Variants in AP2A1 observed in about 807,000 individuals in gnomAD.
AP2A1 encodes the protein adaptor related protein complex 2 subunit alpha 1, also known as AP-2 complex subunit alpha-1.
In AP2A1, 21 loss-of-function variants were observed where a neutral mutation model predicts 107.3. That is an observed-to-expected ratio of 0.20 (90% CI 0.14 to 0.28). AP2A1 has a LOEUF of 0.28. Among genes scored for constraint, AP2A1 ranks in the 10% least tolerant of loss-of-function variants. AP2A1 has a pLI of 1.00. For missense variants in AP2A1, 873 were observed against 1,307.7 expected (o/e 0.67, Z 5.13); for synonymous variants, 602 against 564.8 (o/e 1.07, Z -0.93).
In AP2A1 at chr19:49,767,210, C is replaced by G; in HGVS notation, c.67+10C>G. The G allele has an allele frequency of 6.2e-7, 1 of 1,610,790 alleles. No individual in the cohort carries two copies. The highest frequency in any genetic ancestry group is 8.5e-7 in the Non-Finnish European group (1 of 1,179,458). ...TCCGACATCCGGAACTGTGAGCGCGCGGCCGGGGGACACTGGAGACGCGGG... is the reference window on the plus strand; with the variant it reads ...TCCGACATCCGGAACTGTGAGCGCGGGGCCGGGGGACACTGGAGACGCGGG... On this transcript the variant is annotated intron_variant, in intron 1 of 22. Transcript: ENST00000354293.
intron 7 of AP2A1, among the ~76,000 whole-genome samples, chr19:49,798,159 A>G (rs149181764): frequency 2.0e-5 from 3 of 152,264 alleles, no homozygotes; most frequent in Non-Finnish European, 4.4e-5. Flanking sequence ...GCTCTTGCAT[A>G]CACTTGAAAA....
intron 18 of AP2A1, 103 bp from the exon 19 acceptor site, chr19:49,805,350 C>CA: frequency 7.4e-7 from 1 of 1,343,780 alleles, no homozygotes; most frequent in Non-Finnish European, 9.9e-7. Flanking sequence ...TGGGGTCCCT[C>CA]AAAGACCTGC....
intron 4 of AP2A1, 26 bp downstream of exon 4, chr19:49,782,750 G>A: frequency 6.4e-7 from 1 of 1,555,964 alleles, no homozygotes; most frequent in East Asian, 2.4e-5. Flanking sequence ...CCCGTTGGCA[G>A]TGGGGGGCCT....
chr19:49,771,534 G>T (rs905869844), intron 1 of AP2A1, among the ~76,000 whole-genome samples: 5 of 151,066 alleles, frequency 3.3e-5, no homozygotes, highest in African/African-American at 1.2e-4. Flanking sequence ...TCAGCCTCCC[G>T]AGTAGCTGGG....
At chr19:49,799,922 C>A in intron 10 of AP2A1, 46 bp from the exon 11 acceptor site, 1 of 1,599,510 alleles carries the variant, frequency 6.3e-7, no homozygotes, top group Non-Finnish European at 8.5e-7. Flanking sequence ...GAGTGAAAGC[C>A]CGACATGGCC....
At chr19:49,781,039 G>T (rs935843074) in intron 1 of AP2A1, among the ~76,000 whole-genome samples, 1 of 152,128 alleles carries the variant, frequency 6.6e-6, no homozygotes, top group Admixed American at 6.5e-5. Context: ...CATCCAGTCG[G>T]ATTGTGCTCT....
In AP2A1 at chr19:49,806,793, C is replaced by T. The variant is rs368410097; in HGVS notation, c.*35C>T. On this transcript the variant is annotated 3_prime_UTR_variant, in exon 23 of 23. Transcript: ENST00000354293. ...TCTGCCCCGGGGGATGTGGCCGGCA[C>T]TGGGCAGCCCCTTGGACTGAGGCAG... 2 of 1,613,020 alleles carry T rather than the reference C, an allele frequency of 1.2e-6. No individual in the cohort carries two copies. The highest frequency in any genetic ancestry group is 4.5e-5 in the East Asian group (2 of 44,846).
At chr19:49,767,375 G>A (rs2084513500) in intron 1 of AP2A1, among the ~76,000 whole-genome samples, 175 bp downstream of exon 1, 1 of 152,130 alleles carries the variant, frequency 6.6e-6, no homozygotes, top group Non-Finnish European at 1.5e-5. Context: ...GGCTTGGGGT[G>A]TCATAGAGTG....
At chr19:49,782,884 A>G (rs2084694692) in intron 4 of AP2A1, among the ~76,000 whole-genome samples, 160 bp downstream of exon 4, 1 of 152,060 alleles carries the variant, frequency 6.6e-6, no homozygotes, top group Non-Finnish European at 1.5e-5. Flanking sequence ...GCAGCCCCAT[A>G]CTTGTCTCTT....
At position 49,799,949 on chromosome 19, in the gene AP2A1, TCA is replaced by T; in HGVS notation, c.1273-15_1273-14del. ...GACATGGCCTGCGGCACACTCTCTC[TCA>T]CACGCCCCGGCGGCAGGTCCTGAAG... On this transcript the variant is annotated splice_polypyrimidine_tract_variant and intron_variant, in intron 10 of 22. Coordinates refer to ENST00000354293, the MANE Select transcript of AP2A1 (RefSeq NM_130787.3). The T allele has an allele frequency of 1.2e-6, 2 of 1,610,948 alleles. No homozygotes were observed. Among genetic ancestry groups the T allele is most frequent in the Non-Finnish European group, 1.7e-6 (2 of 1,177,560 alleles).
chr19:49,784,851 G>A (rs1019172351), intron 4 of AP2A1, among the ~76,000 whole-genome samples: 1 of 152,138 alleles, frequency 6.6e-6, no homozygotes, highest in Non-Finnish European at 1.5e-5. Flanking sequence ...CTGGGTGACA[G>A]AGTAAGACCC....
chr19:49,791,365 G>T (rs908790983), intron 4 of AP2A1, among the ~76,000 whole-genome samples: 6 of 152,116 alleles, frequency 3.9e-5, no homozygotes, highest in Non-Finnish European at 7.4e-5. Flanking sequence ...GAGTAGCTGG[G>T]ATTACAAGCC....
intron 7 of AP2A1, among the ~76,000 whole-genome samples, chr19:49,797,972 C>A (rs955473722): frequency 6.6e-6 from 1 of 152,088 alleles, no homozygotes; most frequent in Non-Finnish European, 1.5e-5. Flanking sequence ...TGGACTAGCC[C>A]CCCTACACCT....
chr19:49,767,002 C>G lies in AP2A1; in HGVS notation c.-132C>G. ...GCCTGCCAGCCCGCCCGCCCGCCCGCCAGCCAGCCCTCCCCGCGGCCGGCT... is the reference window on the plus strand; with the variant it reads ...GCCTGCCAGCCCGCCCGCCCGCCCGGCAGCCAGCCCTCCCCGCGGCCGGCT... On this transcript the variant is annotated 5_prime_UTR_variant, in exon 1 of 23. Transcript: ENST00000354293. The G allele has an allele frequency of 1.1e-6, 1 of 924,282 alleles. No individual in the cohort carries two copies. The highest frequency in any genetic ancestry group is 1.5e-6 in the Non-Finnish European group (1 of 687,986). 57.3% of individuals were successfully genotyped at this position (924,282 alleles called of 1,614,324 possible). A position where few individuals can be genotyped will look rare whatever the true frequency, so the allele number is the denominator to read the frequency against.
chr19:49,806,994 G>C lies in AP2A1; in HGVS notation c.*236G>C, dbSNP rs899437235. 42 of 1,526,894 alleles carry C rather than the reference G, an allele frequency of 2.8e-5. No individual in the cohort carries two copies. The highest frequency in any genetic ancestry group is 3.7e-5 in the Non-Finnish European group (42 of 1,142,148). 94.6% of individuals were successfully genotyped at this position (1,526,894 alleles called of 1,614,324 possible). Reference sequence around the variant, plus strand: ...CTTTCCCCCCCAAGCACAGAGGGGAGAGGGGCCAGGGAAGTGGATGTCTCC... The same window carrying C: ...CTTTCCCCCCCAAGCACAGAGGGGACAGGGGCCAGGGAAGTGGATGTCTCC... On this transcript the variant is annotated 3_prime_UTR_variant, in exon 23 of 23. Transcript: ENST00000354293.
In AP2A1 at chr19:49,793,946, C is replaced by T. The variant is rs552750339; in HGVS notation, c.705+854C>T. ...TTTTTGAGACGGAGTCTCGTTCTGT[C>T]CCCAGGCTGGAGTGCAGTGGCGCGA... is the stretch of plus-strand genomic sequence containing the variant. On this transcript the variant is annotated intron_variant, in intron 6 of 22. Transcript: ENST00000354293. 5.3e-3 allele frequency among the ~76,000 whole-genome samples: 624 copies of T among 117,482 alleles called. 7 individuals are homozygous for T. The highest frequency in any genetic ancestry group is 0.02 in the African/African-American group (596 of 30,436). 77.1% of individuals were successfully genotyped at this position (117,482 alleles called of 152,430 possible).
chr19:49,778,103 A>C (rs769701048), intron 1 of AP2A1, among the ~76,000 whole-genome samples: 11 of 152,222 alleles, frequency 7.2e-5, no homozygotes, highest in Admixed American at 1.3e-4. Context: ...GTATATATTT[A>C]AATCATTTCA....
At chr19:49,792,403 C>T (rs1489522599) in intron 5 of AP2A1, among the ~76,000 whole-genome samples, 1 of 151,866 alleles carries the variant, frequency 6.6e-6, no homozygotes, top group Non-Finnish European at 1.5e-5. Context: ...GCCTGGGGCT[C>T]CCACCTCAGC....
chr19:49,803,386 C>G lies in AP2A1; in HGVS notation c.2344+10C>G, dbSNP rs1432312322. The G allele has an allele frequency of 1.9e-6, 3 of 1,611,640 alleles. No individual in the cohort carries two copies. The highest frequency in any genetic ancestry group is 1.1e-5 in the South Asian group (1 of 91,040). Reference sequence around the variant, plus strand: ...GGAGACCTCCAGACTCATATCCTCTCAGGCCCGGCCCAGCCTCCTGCCTCT... The same window carrying G: ...GGAGACCTCCAGACTCATATCCTCTGAGGCCCGGCCCAGCCTCCTGCCTCT... On this transcript the variant is annotated intron_variant, in intron 18 of 22. Transcript: ENST00000354293.
Sources: allele counts gnomAD v4.1 joint callset (sites outside exome capture counted in the v4.1 genomes callset), GRCh38; gene constraint gnomAD v4.1.1; transcripts MANE v1.5; gene names NCBI Gene and HGNC (gene_info 2026-07-23, HGNC 2026-07-21).